The following MYBL2 variants were observed in gnomAD, a reference collection of about 807,000 sequenced individuals.
MYBL2 encodes MYB proto-oncogene like 2.
A neutral mutation model predicts 79.9 loss-of-function variants in MYBL2; 28 were observed. That is an observed-to-expected ratio of 0.35 (90% CI 0.26 to 0.48). The LOEUF (loss-of-function observed/expected upper bound fraction) is 0.48. MYBL2 is among the 20% of genes least tolerant of loss of function. MYBL2 has a pLI of 0.99. For missense variants in MYBL2, 735 were observed against 893.9 expected (o/e 0.82, Z 2.27); for synonymous variants, 378 against 361.2 (o/e 1.05, Z -0.53).
chr20:43,700,224 A>G (rs1008109130), intron 7 of MYBL2, among the ~76,000 whole-genome samples, 180 bp downstream of exon 7: 2 of 152,112 alleles, frequency 1.3e-5, no homozygotes, highest in African/African-American at 4.8e-5. Flanking sequence ...TGCAGTCCCT[A>G]TCCTTGGGGA....
chr20:43,685,799 A>C (rs1987259140), intron 4 of MYBL2, among the ~76,000 whole-genome samples: 1 of 151,916 alleles, frequency 6.6e-6, no homozygotes. Context: ...GCACTTTGGG[A>C]GGCCAAGTCG....
intron 2 of MYBL2, among the ~76,000 whole-genome samples, chr20:43,679,157 A>C (rs1987087213): frequency 6.6e-6 from 1 of 152,182 alleles, no homozygotes; most frequent in African/African-American, 2.4e-5. Context: ...TGGTATAGGT[A>C]GGGAAGGGTG....
At chr20:43,696,334 G>A (rs1020024071) in intron 6 of MYBL2, among the ~76,000 whole-genome samples, 6 of 151,734 alleles carry the variant, frequency 4.0e-5, no homozygotes, top group South Asian at 4.2e-4. Flanking sequence ...TCCGCCTCCC[G>A]GGTTCAAGCG....
rs955523649 is a variant in MYBL2, at chr20:43,716,206, C to G, written c.*119C>G. ...TGCAGGGAGCCTTCTGCCACCAGCC[C>G]CTCCCCAGACTCTCAGGTGGAGGCA... is the stretch of plus-strand genomic sequence containing the variant. On this transcript the variant is annotated 3_prime_UTR_variant, in exon 14 of 14. Coordinates refer to ENST00000217026, the MANE Select transcript of MYBL2 (RefSeq NM_002466.4). 1.3e-6 allele frequency: 2 copies of G among 1,496,742 alleles called. No individual in the cohort carries two copies. Among genetic ancestry groups the G allele is most frequent in the Non-Finnish European group, 1.8e-6 (2 of 1,108,174 alleles). 92.7% of individuals were successfully genotyped at this position (1,496,742 alleles called of 1,614,324 possible). A position where few individuals can be genotyped will look rare whatever the true frequency, so the allele number is the denominator to read the frequency against.
At position 43,702,702 on chromosome 20, in the gene MYBL2, G is replaced by A. The variant is rs61753434; in HGVS notation, c.1164G>A (p.Glu388=). Residue 388 remains glutamate, a synonymous_variant, in exon 8 of 14, where the codon GAG becomes GAA. Coordinates refer to ENST00000217026, the MANE Select transcript of MYBL2 (RefSeq NM_002466.4). The stretch of plus-strand genomic sequence containing the variant: ...ACCTGAGCCGGAGCAGCCGGGGCGA[G>A]CTGATCCCCATCTCCCCCAGCACTG... ...ISDLSRSSRG[E]LIPISPSTEV... is the part of the protein sequence containing the mutation. 2 of 1,613,720 alleles carry A rather than the reference G, an allele frequency of 1.2e-6. No homozygotes were observed. The highest frequency in any genetic ancestry group is 1.1e-5 in the South Asian group (1 of 91,074).
chr20:43,699,851 A>G lies in MYBL2; in HGVS notation c.758A>G (p.Glu253Gly), dbSNP rs1467501339. The G allele has an allele frequency of 1.2e-6, 2 of 1,614,076 alleles. No individual in the cohort carries two copies. The highest frequency in any genetic ancestry group is 1.3e-5 in the African/African-American group (1 of 74,926). The change falls in exon 7 of 14, where the codon GAA becomes GGA. Residue 253 changes from glutamate (E) to glycine (G), a missense_variant. This residue lies in a region of MYBL2 where 144 missense variants were observed against 131.9 expected (regional missense o/e 1.09). Coordinates refer to ENST00000217026, the MANE Select transcript of MYBL2 (RefSeq NM_002466.4). ...EELAAATTSK[E>G]QEPIGTDLDA... ...CTTGCAGCAGCCACCACATCGAAGG[A>G]ACAGGAGCCCATCGGTACAGATCTG...
chr20:43,682,582 A>C (rs439730), intron 3 of MYBL2, among the ~76,000 whole-genome samples: 141,993 of 152,254 alleles, frequency 0.93, 66,363 homozygotes, highest in African/African-American at 0.97. Flanking sequence ...CCCACAGGGG[A>C]CCGAGTTTGC....
At chr20:43,696,820 G>T (rs1205223290) in intron 6 of MYBL2, among the ~76,000 whole-genome samples, 1 of 152,288 alleles carries the variant, frequency 6.6e-6, no homozygotes, top group Non-Finnish European at 1.5e-5. Flanking sequence ...TCCGCCTCCC[G>T]GGTTGAAGTG....
At chr20:43,670,289 C>T (rs190285067) in intron 1 of MYBL2, among the ~76,000 whole-genome samples, 10 of 152,296 alleles carry the variant, frequency 6.6e-5, no homozygotes, top group Non-Finnish European at 1.3e-4. Context: ...TTAAAGCCAA[C>T]TTCATTCTGT....
At chr20:43,709,266 T>C (rs1163641017) in intron 9 of MYBL2, among the ~76,000 whole-genome samples, 13 of 152,192 alleles carry the variant, frequency 8.5e-5, no homozygotes, top group Admixed American at 8.5e-4. Context: ...TTGTGGAACC[T>C]GGTAGCTTCC....
intron 2 of MYBL2, among the ~76,000 whole-genome samples, chr20:43,678,862 AAAAAAAAAAAAAG>A: frequency 8.0e-6 from 1 of 124,272 alleles, no homozygotes. Flanking sequence ...CGTCTCAAAA[AAAAAAAAAAAAAG>A]AAAAAAACAT....
intron 1 of MYBL2, among the ~76,000 whole-genome samples, chr20:43,668,254 G>T (rs977729439): frequency 2.7e-5 from 4 of 146,406 alleles, no homozygotes; most frequent in Admixed American, 2.1e-4. Flanking sequence ...AGGCTGGAGT[G>T]CAGTGGCGCG....
intron 12 of MYBL2, among the ~76,000 whole-genome samples, chr20:43,713,421 C>T (rs147118247): frequency 0.021 from 3,027 of 146,798 alleles, 68 homozygotes; most frequent in Admixed American, 0.075. Context: ...GAATTTCGCT[C>T]TTGTTGCCCA....
Position 43,711,712 on chromosome 20 carries a change from G to T in MYBL2, c.1719+111G>T, listed in dbSNP as rs1189173257. Reference sequence around the variant, plus strand: ...GTGAGGCGCTGGGGAGAATGGGGGCGTAGCATATCCCCTTTGCCCCCTTTC... The same window carrying T: ...GTGAGGCGCTGGGGAGAATGGGGGCTTAGCATATCCCCTTTGCCCCCTTTC... On this transcript the variant is annotated intron_variant, in intron 11 of 13. Coordinates refer to ENST00000217026, the MANE Select transcript of MYBL2 (RefSeq NM_002466.4). 7.6e-6 allele frequency: 7 copies of T among 920,968 alleles called. No homozygotes were observed. The Admixed American group carries it at 1.2e-4, about 16-fold the overall frequency. 57.0% of individuals were successfully genotyped at this position (920,968 alleles called of 1,614,324 possible). A position where few individuals can be genotyped will look rare whatever the true frequency, so the allele number is the denominator to read the frequency against.
In MYBL2 at chr20:43,702,686, G is replaced by C. The variant is rs773951994; in HGVS notation, c.1148G>C (p.Arg383Pro). Residue 383 changes from arginine to proline, a missense_variant, in exon 8 of 14, where the codon CGG becomes CCG. By Grantham distance (103) the Arg-to-Pro change is moderately radical. Transcript: ENST00000217026. ...LDGHTISDLSRSSRGELIPIS... is the reference protein window; with the variant it reads ...LDGHTISDLSPSSRGELIPIS... The stretch of plus-strand genomic sequence containing the variant: ...GGCCACACCATCTCAGACCTGAGCC[G>C]GAGCAGCCGGGGCGAGCTGATCCCC... The C allele has an allele frequency of 6.2e-7, 1 of 1,613,698 alleles. No individual in the cohort carries two copies. Among genetic ancestry groups the C allele is most frequent in the Non-Finnish European group, 8.5e-7 (1 of 1,179,748 alleles).
intron 3 of MYBL2, 61 bp from the exon 4 acceptor site, chr20:43,682,732 GC>G: frequency 6.6e-7 from 1 of 1,523,282 alleles, no homozygotes; most frequent in Non-Finnish European, 9.1e-7. Flanking sequence ...ACTTAACCAG[GC>G]CCCCAGCCCG....
intron 2 of MYBL2, among the ~76,000 whole-genome samples, chr20:43,680,346 A>G (rs757088275): frequency 1.3e-5 from 2 of 152,100 alleles, no homozygotes; most frequent in African/African-American, 2.4e-5. Context: ...ACTATTTTAG[A>G]TGCTTCCTGT....
chr20:43,715,168 C>T lies in MYBL2; in HGVS notation c.1859C>T (p.Thr620Ile), dbSNP rs1285861585. Residue 620 changes from threonine (T) to isoleucine (I), a missense_variant, in exon 13 of 14, where the codon ACC becomes ATC. Coordinates refer to ENST00000217026, the MANE Select transcript of MYBL2 (RefSeq NM_002466.4). ...TTAPSNSSSLTLSGIKEDNSL... is the reference protein window; with the variant it reads ...TTAPSNSSSLILSGIKEDNSL... ...GCCCCTTCAAACTCTTCCAGCCTCA[C>T]CCTGTCAGGTATCAAAGAAGACAAC... 1 of 1,614,242 alleles carries T rather than the reference C, an allele frequency of 6.2e-7. No individual in the cohort carries two copies. Among genetic ancestry groups the T allele is most frequent in the Admixed American group, 1.7e-5 (1 of 60,032 alleles).
At position 43,686,847 on chromosome 20, in the gene MYBL2, C is replaced by A. The variant is rs1408569281; in HGVS notation, c.280-5C>A. The stretch of plus-strand genomic sequence containing the variant: ...CAAGTGGCTACCCAGAGACTTTTCT[C>A]TAAGGTCATCGAGCTGGTTAAGAAG... On this transcript the variant is annotated splice_polypyrimidine_tract_variant and splice_region_variant and intron_variant, in intron 4 of 13. Coordinates refer to ENST00000217026, the MANE Select transcript of MYBL2 (RefSeq NM_002466.4). The A allele has an allele frequency of 1.9e-6, 3 of 1,613,764 alleles. No individual in the cohort carries two copies. In the Admixed American group the frequency reaches 5.0e-5, roughly 27 times the overall value.
Sources: allele counts gnomAD v4.1 joint callset (sites outside exome capture counted in the v4.1 genomes callset), GRCh38; gene constraint gnomAD v4.1.1; regional missense constraint gnomAD v4.1.1; transcripts MANE v1.5; gene names NCBI Gene and HGNC (gene_info 2026-07-23, HGNC 2026-07-21).